EYS: variants seen among roughly 807,000 people sequenced by gnomAD.
EYS encodes protein eyes shut homolog.
A neutral mutation model predicts 282.1 loss-of-function variants in EYS; 250 were observed. That is an observed-to-expected ratio of 0.89 (90% confidence interval 0.80 to 0.98). EYS has a LOEUF of 0.98. Among genes scored for constraint, EYS ranks in the 50% least tolerant of loss-of-function variants. EYS has a pLI of 0.00. For missense variants in EYS, 4,016 were observed against 3,709.0 expected (o/e 1.08, Z -2.15); for synonymous variants, 1,355 against 1,282.9 (o/e 1.06, Z -1.20).
chr6:64,627,940 C>G (rs868856943), intron 22 of EYS, among the ~76,000 whole-genome samples: 1 of 152,030 alleles, frequency 6.6e-6, no homozygotes, highest in African/African-American at 2.4e-5. Flanking sequence ...ATTAGCCGGG[C>G]GTGGTGGCGG....
chr6:64,348,228 G>C (rs1771484664), intron 29 of EYS, among the ~76,000 whole-genome samples: 1 of 151,250 alleles, frequency 6.6e-6, no homozygotes. Flanking sequence ...TTATTATGTA[G>C]ATTATTGATT....
At chr6:64,815,858 A>C (rs1764730787) in intron 21 of EYS, among the ~76,000 whole-genome samples, 1 of 152,034 alleles carries the variant, frequency 6.6e-6, no homozygotes, top group African/African-American at 2.4e-5. Context: ...TGAAAGGAAC[A>C]GGGCAGTGAT....
At chr6:65,078,481 A>T (rs1774125851) in intron 12 of EYS, among the ~76,000 whole-genome samples, 1 of 152,116 alleles carries the variant, frequency 6.6e-6, no homozygotes, top group African/African-American at 2.4e-5. Flanking sequence ...CTTTAAAAAA[A>T]AGTAAAGGTC....
chr6:64,137,500 A>T (rs1774201044), intron 31 of EYS, among the ~76,000 whole-genome samples: 1 of 152,132 alleles, frequency 6.6e-6, no homozygotes. Flanking sequence ...TTAAAGTGAG[A>T]GATGTGTGAC....
intron 19 of EYS, among the ~76,000 whole-genome samples, chr6:64,850,242 T>G (rs1348668118): frequency 6.6e-6 from 1 of 152,128 alleles, no homozygotes. Context: ...TAGCACATTC[T>G]TTCTATATTA....
chr6:64,929,290 G>T (rs548136401), intron 15 of EYS, among the ~76,000 whole-genome samples: 2 of 152,208 alleles, frequency 1.3e-5, no homozygotes, highest in African/African-American at 4.8e-5. Flanking sequence ...AATACAGAAG[G>T]TATACAGGGA....
intron 16 of EYS, among the ~76,000 whole-genome samples, chr6:64,906,391 T>G (rs1375456749): frequency 6.6e-6 from 1 of 152,170 alleles, no homozygotes; most frequent in Non-Finnish European, 1.5e-5. Flanking sequence ...CTACAGCTAT[T>G]AACCTTAACA....
At chr6:64,249,633 G>C (rs1439906601) in intron 30 of EYS, among the ~76,000 whole-genome samples, 3 of 152,160 alleles carry the variant, frequency 2.0e-5, no homozygotes, top group African/African-American at 7.2e-5. Context: ...TCCAGGGCTA[G>C]AATTGGATAG....
chr6:64,879,719 T>C (rs1766857117), intron 19 of EYS, among the ~76,000 whole-genome samples: 1 of 152,028 alleles, frequency 6.6e-6, no homozygotes, highest in Non-Finnish European at 1.5e-5. Context: ...TACAATATTA[T>C]TGACAATGAC....
At chr6:65,595,844 A>G (rs1265545088) in intron 2 of EYS, among the ~76,000 whole-genome samples, 1 of 152,068 alleles carries the variant, frequency 6.6e-6, no homozygotes, top group Non-Finnish European at 1.5e-5. Flanking sequence ...TTGGATTTAA[A>G]GACTTGTTTT....
intron 22 of EYS, among the ~76,000 whole-genome samples, chr6:64,709,334 C>A (rs1418399419): frequency 6.6e-6 from 1 of 152,124 alleles, no homozygotes; most frequent in Non-Finnish European, 1.5e-5. Flanking sequence ...TCTTCCAAAT[C>A]ACTATCCTAA....
intron 41 of EYS, among the ~76,000 whole-genome samples, chr6:63,759,586 A>G (rs1054998101): frequency 2.6e-5 from 4 of 152,138 alleles, no homozygotes; most frequent in African/African-American, 9.7e-5. Context: ...TATGACTATT[A>G]TAAGTTCATA....
chr6:65,589,162 TC>T (rs1381033063), intron 2 of EYS, among the ~76,000 whole-genome samples: 1 of 152,014 alleles, frequency 6.6e-6, no homozygotes, highest in Non-Finnish European at 1.5e-5. Flanking sequence ...ACAGTCACTA[TC>T]CCTGAATGGA....
chr6:64,860,052 A>C (rs751249804), intron 19 of EYS, among the ~76,000 whole-genome samples: 1 of 152,186 alleles, frequency 6.6e-6, no homozygotes, highest in Admixed American at 6.5e-5. Flanking sequence ...CTTACTTTTA[A>C]AAAACATATT....
intron 29 of EYS, among the ~76,000 whole-genome samples, chr6:64,361,690 AT>A (rs1004563854): frequency 4.6e-4 from 69 of 151,588 alleles, no homozygotes; most frequent in Middle Eastern, 3.4e-3. Flanking sequence ...TAACAATTGC[AT>A]TTTTTTTCTT....
At chr6:65,169,795 C>A (rs929450824) in intron 12 of EYS, among the ~76,000 whole-genome samples, 1 of 151,350 alleles carries the variant, frequency 6.6e-6, no homozygotes, top group African/African-American at 2.4e-5. Context: ...ACTCTTCTTT[C>A]TAATATATGT....
At chr6:64,601,126 T>A (rs1766747502) in intron 24 of EYS, among the ~76,000 whole-genome samples, 2 of 152,072 alleles carry the variant, frequency 1.3e-5, no homozygotes, top group South Asian at 4.1e-4. Context: ...TCCTTCTCTT[T>A]GTAGCCTCTA....
chr6:64,735,127 A>G (rs1772143394), intron 22 of EYS, among the ~76,000 whole-genome samples: 1 of 152,060 alleles, frequency 6.6e-6, no homozygotes, highest in Admixed American at 6.6e-5. Flanking sequence ...TCTGTCGCCC[A>G]GGCTGTAGTG....
At chr6:65,271,445 G>T (rs1178138104) in intron 12 of EYS, among the ~76,000 whole-genome samples, 1 of 151,786 alleles carries the variant, frequency 6.6e-6, no homozygotes, top group Non-Finnish European at 1.5e-5. Context: ...AACCACACTG[G>T]GGAGGGCCAC....
Sources: gnomAD v4.1 joint callset for allele counts (sites outside exome capture counted in the v4.1 genomes callset) on GRCh38, gnomAD v4.1.1 for gene constraint, MANE v1.5 for transcripts, NCBI Gene and HGNC (gene_info 2026-07-23, HGNC 2026-07-21) for gene names.